Variants in ZNF254 observed in about 807,000 individuals in gnomAD.
The protein encoded by ZNF254 is CTD-2017D11.1.
In ZNF254, 10 loss-of-function variants were observed where a neutral mutation model predicts 12.4. The observed-to-expected ratio is 0.80, with a 90% confidence interval of 0.50 to 1.36. The LOEUF (loss-of-function observed/expected upper bound fraction) is 1.36, where lower values mean the gene tolerates loss of function less well. Ranked by LOEUF, ZNF254 falls within the 40% of genes most tolerant of loss-of-function variation. The probability of loss-of-function intolerance (pLI) is 0.00; values close to 1 mark genes in which losing one functional copy is unlikely to be tolerated. For missense variants in ZNF254, 996 were observed against 763.9 expected (o/e 1.30, Z -3.58); for synonymous variants, 305 against 253.4 (o/e 1.20, Z -1.93).
In ZNF254 at chr19:24,100,347, A is replaced by G. The variant is rs1972939582; in HGVS notation, c.31-5593A>G. Among the ~76,000 whole-genome samples the G allele has an allele frequency of 2.0e-5, 3 of 151,764 alleles. No individual in the cohort carries two copies. In the South Asian group the frequency reaches 6.3e-4, roughly 32 times the overall value. On this transcript the variant is annotated intron_variant, in intron 1 of 3. Coordinates refer to ENST00000357002, the MANE Select transcript of ZNF254 (RefSeq NM_203282.4). The stretch of plus-strand genomic sequence containing the variant: ...CTGCTACTCCACCCATCCGGGACCT[A>G]AATCTGCAGCTCTGAATTCTAAATC...
chr19:24,115,286 C>G (rs1394711242), intron 3 of ZNF254, among the ~76,000 whole-genome samples: 2 of 152,000 alleles, frequency 1.3e-5, no homozygotes, highest in East Asian at 3.9e-4. Flanking sequence ...AAATGTCCAA[C>G]AATGATAGAC....
At chr19:24,083,459 C>T (rs1422269294), upstream of ZNF254, among the ~76,000 whole-genome samples, 1 of 151,952 alleles carries the variant, frequency 6.6e-6, no homozygotes, top group African/African-American at 2.4e-5. Context: ...AACTAAAAAA[C>T]TCTAAAATTC....
rs764519196 is a variant in ZNF254 at position 24,127,606 on chromosome 19, CATA to C, written c.1608_1610del (p.His536_Lys537delinsGln). ...TAACTGGTCCTCAACTCTTACTAAA[CATA>C]AGATAATTCATACTGAAGAGAAACC... On this transcript the variant is annotated inframe_deletion, in exon 4 of 4. Transcript: ENST00000357002. The C allele has an allele frequency of 1.2e-6, 2 of 1,608,060 alleles. No individual in the cohort carries two copies. Among genetic ancestry groups the C allele is most frequent in the Non-Finnish European group, 8.5e-7 (1 of 1,176,924 alleles).
chr19:24,077,945 G>A (rs1233932120), intron 2 of ZNF254, among the ~76,000 whole-genome samples: 1 of 152,208 alleles, frequency 6.6e-6, no homozygotes, highest in Non-Finnish European at 1.5e-5. Flanking sequence ...TAAAAAAAAA[G>A]AGCTTGGAAC....
intron 1 of ZNF254, among the ~76,000 whole-genome samples, chr19:24,045,584 C>T (rs567318747): frequency 1.3e-4 from 19 of 149,416 alleles, no homozygotes; most frequent in African/African-American, 4.0e-4. Context: ...AGGAGAATGG[C>T]GTGACCCCGG....
intron 2 of ZNF254, among the ~76,000 whole-genome samples, chr19:24,059,726 A>G (rs909603707): frequency 1.3e-5 from 2 of 152,166 alleles, no homozygotes; most frequent in Middle Eastern, 3.2e-3. Flanking sequence ...TTCATCACCC[A>G]AGTGGTGTGA....
At chr19:24,106,692 C>A in intron 3 of ZNF254, 49 bp downstream of exon 3, 1 of 1,439,672 alleles carries the variant, frequency 6.9e-7, no homozygotes, top group Non-Finnish European at 9.5e-7. Context: ...GGTCCAAAGT[C>A]AAGAAGAAAG....
At chr19:24,045,524 C>T (rs947819479) in intron 1 of ZNF254, among the ~76,000 whole-genome samples, 1 of 151,952 alleles carries the variant, frequency 6.6e-6, no homozygotes, top group Admixed American at 6.6e-5. Flanking sequence ...AAAAAATTAG[C>T]TGGGCGTGGT....
At chr19:24,063,472 A>G (rs576283504) in intron 2 of ZNF254, among the ~76,000 whole-genome samples, 143 of 152,246 alleles carry the variant, frequency 9.4e-4, no homozygotes, top group African/African-American at 3.3e-3. Context: ...CTGCCCACAG[A>G]TGTATTGTGA....
chr19:24,065,136 T>C (rs1971223838), intron 2 of ZNF254, among the ~76,000 whole-genome samples: 1 of 152,142 alleles, frequency 6.6e-6, no homozygotes, highest in African/African-American at 2.4e-5. Context: ...GGCCTTGGAA[T>C]ATATTTTTTT....
intron 1 of ZNF254, among the ~76,000 whole-genome samples, chr19:24,043,504 C>T (rs1042382117): frequency 1.3e-5 from 2 of 152,136 alleles, no homozygotes; most frequent in African/African-American, 4.8e-5. Context: ...TCAGGTGATC[C>T]ACCTACCTCA....
In ZNF254 at chr19:24,127,821, T is replaced by C; in HGVS notation, c.1821T>C (p.Cys607=). The part of the protein sequence containing the change: ...TGVKPYKCEE[C]GKAFFWSSTL... ...TAAAACCCTACAAATGTGAAGAATG[T>C]GGCAAAGCATTTTTCTGGTCCTCAA... Residue 607 remains cysteine, a synonymous_variant, in exon 4 of 4, where the codon TGT becomes TGC. Transcript: ENST00000357002. 6.2e-7 allele frequency: 1 copy of C among 1,613,284 alleles called. No homozygotes were observed. Among genetic ancestry groups the C allele is most frequent in the Non-Finnish European group, 8.5e-7 (1 of 1,179,734 alleles).
chr19:24,059,606 C>A (rs1599615432), intron 2 of ZNF254, among the ~76,000 whole-genome samples: 1 of 141,468 alleles, frequency 7.1e-6, no homozygotes. Flanking sequence ...CTCTTTTCTC[C>A]TGCCTAAACC....
intron 3 of ZNF254, among the ~76,000 whole-genome samples, chr19:24,119,870 TTTTTC>T (rs1352453566): frequency 1.6e-4 from 24 of 152,140 alleles, no homozygotes; most frequent in African/African-American, 5.5e-4. Context: ...AGTGGTATGT[TTTTTC>T]TTATTTACTG....
chr19:24,105,383 C>T (rs1321548117), intron 1 of ZNF254: 9 of 237,460 alleles, frequency 3.8e-5, no homozygotes, highest in Non-Finnish European at 8.1e-6. Context: ...ACAAAAACAA[C>T]AGGCTCTTCC....
At chr19:24,115,741 A>C (rs1974016204) in intron 3 of ZNF254, among the ~76,000 whole-genome samples, 1 of 152,204 alleles carries the variant, frequency 6.6e-6, no homozygotes, top group Non-Finnish European at 1.5e-5. Flanking sequence ...TGTCGTTAGG[A>C]TGCTGGCTGG....
chr19:24,126,258 G>A lies in ZNF254; in HGVS notation c.258G>A (p.Met86Ile), dbSNP rs1003682107. ...RHEMVDEPPG[M>I]CPHFAQDLWP... is the part of the protein sequence containing the mutation. ...TTATTTTTATTTTTTTTTCAGGTAT[G>A]TGTCCTCATTTTGCTCAAGACCTTT... Residue 86 changes from methionine to isoleucine, a missense_variant, in exon 4 of 4, where the codon ATG becomes ATA. Physicochemically the swap from Met to Ile is conservative, Grantham distance 10. Coordinates refer to ENST00000357002, the MANE Select transcript of ZNF254 (RefSeq NM_203282.4). The A allele has an allele frequency of 6.8e-7, 1 of 1,469,552 alleles. No individual in the cohort carries two copies. The highest frequency in any genetic ancestry group is 9.0e-7 in the Non-Finnish European group (1 of 1,110,444). The allele number at this position is 1,469,552 out of a possible 1,614,324, so 91.0% of individuals were successfully genotyped here.
chr19:24,117,753 G>C (rs1370300982), intron 3 of ZNF254, among the ~76,000 whole-genome samples: 2 of 151,956 alleles, frequency 1.3e-5, no homozygotes, highest in Non-Finnish European at 1.5e-5. Flanking sequence ...CCGGTACCTC[G>C]GATGGAAATG....
At chr19:24,113,930 G>A (rs998824532) in intron 3 of ZNF254, among the ~76,000 whole-genome samples, 1 of 152,094 alleles carries the variant, frequency 6.6e-6, no homozygotes, top group Non-Finnish European at 1.5e-5. Flanking sequence ...ATTCATAATT[G>A]CTTCGAAGAG....
Sources: gnomAD v4.1 joint callset for allele counts (sites outside exome capture counted in the v4.1 genomes callset) on GRCh38, gnomAD v4.1.1 for gene constraint, MANE v1.5 for transcripts, NCBI Gene and HGNC (gene_info 2026-07-23, HGNC 2026-07-21) for gene names.